The following CNTN1 variants were observed in gnomAD, a reference collection of about 807,000 sequenced individuals.
The protein encoded by CNTN1 is contactin 1.
CNTN1 carries 38 observed loss-of-function variants against 126.4 expected under a neutral mutation model. That is an observed-to-expected ratio of 0.30 (90% CI 0.23 to 0.39). The LOEUF (loss-of-function observed/expected upper bound fraction) is 0.39, where lower values mean the gene tolerates loss of function less well. Among genes scored for constraint, CNTN1 ranks in the 10% least tolerant of loss-of-function variants. The pLI is 1.00. For missense variants in CNTN1, 1,009 were observed against 1,248.4 expected, an observed-to-expected ratio of 0.81 and a Z score of 2.89; for synonymous variants, 413 against 422.6, an observed-to-expected ratio of 0.98 and a Z score of 0.28.
chr12:40,922,593 A>G (rs1945485015), intron 5 of CNTN1, among the ~76,000 whole-genome samples, 165 bp downstream of exon 5: 1 of 152,170 alleles, frequency 6.6e-6, no homozygotes, highest in African/African-American at 2.4e-5. Flanking sequence ...ACCACAAGGC[A>G]TACTATGAAT....
At chr12:40,720,848 G>A (rs891564439) in intron 1 of CNTN1, among the ~76,000 whole-genome samples, 3 of 151,820 alleles carry the variant, frequency 2.0e-5, no homozygotes, top group South Asian at 2.1e-4. Context: ...GGAATCCCTC[G>A]AACCAGGGAG....
rs762523860 is a variant in CNTN1 at position 41,020,377 on chromosome 12, A to G, written c.2460A>G (p.Leu820=). 3 of 1,612,988 alleles carry G rather than the reference A, an allele frequency of 1.9e-6. No homozygotes were observed. Among genetic ancestry groups the G allele is most frequent in the African/African-American group, 1.3e-5 (1 of 75,040 alleles). ...CAACAGAAGTAGGTGTAAAAGTCTT[A>G]TCATCTTCTGAGATATCTGTTCATT... The part of the protein sequence containing the change: ...EAPTEVGVKV[L]SSSEISVHWE... The change falls in exon 20 of 24, where the codon TTA becomes TTG. Residue 820 remains leucine (L), a synonymous_variant. Coordinates refer to ENST00000551295, the MANE Select transcript of CNTN1 (RefSeq NM_001843.4).
intron 1 of CNTN1, among the ~76,000 whole-genome samples, chr12:40,840,016 A>C (rs1337461195): frequency 6.6e-6 from 1 of 152,110 alleles, no homozygotes; most frequent in Non-Finnish European, 1.5e-5. Context: ...CTTAAATATA[A>C]ATGAACTAAA....
chr12:40,980,979 C>T lies in CNTN1; in HGVS notation c.1875C>T (p.Ser625=), dbSNP rs765519666. 8.1e-6 allele frequency: 13 copies of T among 1,613,664 alleles called. No homozygotes were observed. The highest frequency in any genetic ancestry group is 9.3e-6 in the Non-Finnish European group (11 of 1,179,772). Residue 625 remains serine, a synonymous_variant, in exon 16 of 24, where the codon AGC becomes AGT. Transcript: ENST00000551295. The part of the protein sequence containing the change: ...IRATSVALTW[S]RGSDNHSPIS... ...CCACTTCTGTGGCACTTACTTGGAGCCGTGGTTCAGACAATCATAGTCCTA... is the reference window on the plus strand; with the variant it reads ...CCACTTCTGTGGCACTTACTTGGAGTCGTGGTTCAGACAATCATAGTCCTA...
At chr12:40,809,844 ACACAC>A (rs1565767687) in intron 1 of CNTN1, among the ~76,000 whole-genome samples, 4 of 151,538 alleles carry the variant, frequency 2.6e-5, no homozygotes, top group Non-Finnish European at 4.4e-5. Context: ...ACACACACAC[ACACAC>A]AAAAGTCAAA....
intron 23 of CNTN1, among the ~76,000 whole-genome samples, chr12:41,059,167 C>G (rs76225204): frequency 0.018 from 2,685 of 152,132 alleles, 80 homozygotes; most frequent in African/African-American, 0.06. Flanking sequence ...ATCTTAATAC[C>G]AAATACCAAA....
intron 23 of CNTN1, among the ~76,000 whole-genome samples, chr12:41,030,646 A>G (rs1285349014): frequency 1.3e-5 from 2 of 152,090 alleles, no homozygotes; most frequent in Admixed American, 6.5e-5. Context: ...GTTTTTTTCT[A>G]TCATAAATAA....
chr12:40,911,238 G>T (rs1182356805), intron 3 of CNTN1, among the ~76,000 whole-genome samples: 1 of 151,944 alleles, frequency 6.6e-6, no homozygotes, highest in Non-Finnish European at 1.5e-5. Flanking sequence ...CCGCAACCAC[G>T]CCCGGCTAAT....
chr12:40,856,627 G>T (rs1374019203), intron 1 of CNTN1, among the ~76,000 whole-genome samples: 1 of 152,090 alleles, frequency 6.6e-6, no homozygotes, highest in African/African-American at 2.4e-5. Context: ...TATTATGAAT[G>T]AAAATTGATA....
chr12:40,800,759 A>G (rs1940613588), intron 1 of CNTN1, among the ~76,000 whole-genome samples: 1 of 152,042 alleles, frequency 6.6e-6, no homozygotes, highest in Non-Finnish European at 1.5e-5. Flanking sequence ...CCAGCTAAGA[A>G]CATTCTCAAA....
At chr12:40,846,610 C>T (rs1366474504) in intron 1 of CNTN1, among the ~76,000 whole-genome samples, 2 of 152,340 alleles carry the variant, frequency 1.3e-5, no homozygotes, top group East Asian at 1.9e-4. Flanking sequence ...TTCATCTCAT[C>T]AAACTAAGGA....
chr12:40,731,953 C>G (rs1381851348), intron 1 of CNTN1, among the ~76,000 whole-genome samples: 1 of 151,898 alleles, frequency 6.6e-6, no homozygotes, highest in African/African-American at 2.4e-5. Context: ...TAATATTTCA[C>G]TAAATTATGA....
chr12:40,889,439 A>T (rs1357006949), intron 1 of CNTN1, among the ~76,000 whole-genome samples: 1 of 152,182 alleles, frequency 6.6e-6, no homozygotes, highest in African/African-American at 2.4e-5. Flanking sequence ...TACAAATACT[A>T]AGCAATTTTT....
chr12:40,888,985 C>T (rs1044725683), intron 1 of CNTN1, among the ~76,000 whole-genome samples: 2 of 152,250 alleles, frequency 1.3e-5, no homozygotes, highest in Non-Finnish European at 2.9e-5. Context: ...GGCGTTCAGG[C>T]CTGTGCCAGG....
At chr12:40,952,071 AT>A (rs1946710602) in intron 14 of CNTN1, among the ~76,000 whole-genome samples, 1 of 151,828 alleles carries the variant, frequency 6.6e-6, no homozygotes, top group Admixed American at 6.6e-5. Flanking sequence ...TAGCAAAAAA[AT>A]AAGTAAAATA....
At chr12:40,835,978 G>GTA (rs1279095112) in intron 1 of CNTN1, among the ~76,000 whole-genome samples, 27 of 86,600 alleles carry the variant, frequency 3.1e-4, no homozygotes, top group Admixed American at 3.0e-3. Flanking sequence ...GGATGAACAG[G>GTA]TATATATATG....
At chr12:40,721,821 G>A (rs991288487) in intron 1 of CNTN1, among the ~76,000 whole-genome samples, 7 of 150,178 alleles carry the variant, frequency 4.7e-5, no homozygotes, top group African/African-American at 7.4e-5. Flanking sequence ...TTGTCCTTGC[G>A]ATAGTTTACT....
At chr12:41,049,882 T>C (rs963849157) in intron 23 of CNTN1, among the ~76,000 whole-genome samples, 3 of 152,228 alleles carry the variant, frequency 2.0e-5, no homozygotes, top group Non-Finnish European at 4.4e-5. Flanking sequence ...AAATTTGATT[T>C]AACTAATTAA....
At position 40,857,096 on chromosome 12, in the gene CNTN1, T is replaced by C. The variant is rs117663787; in HGVS notation, c.-76-51261T>C. 1.1e-3 allele frequency among the ~76,000 whole-genome samples: 165 copies of C among 152,262 alleles called. 2 individuals carry two copies. In the East Asian group the frequency reaches 0.029, roughly 27 times the overall value. ...TACATAACTTTTTAAGGGGGTTTTG[T>C]AGGCAAAAACTTTGAAGACCACTGA... is the stretch of plus-strand genomic sequence containing the variant. On this transcript the variant is annotated intron_variant, in intron 1 of 23. Coordinates refer to ENST00000551295, the MANE Select transcript of CNTN1 (RefSeq NM_001843.4).
Sources: allele counts gnomAD v4.1 joint callset (sites outside exome capture counted in the v4.1 genomes callset), GRCh38; gene constraint gnomAD v4.1.1; transcripts MANE v1.5; gene names NCBI Gene and HGNC (gene_info 2026-07-23, HGNC 2026-07-21).